The following CDCA7 variants were observed in gnomAD, a reference collection of about 807,000 sequenced individuals.
CDCA7 encodes the protein cell division cycle-associated protein 7.
In CDCA7, 28 loss-of-function variants were observed where a neutral mutation model predicts 54.0. That is an observed-to-expected ratio of 0.52 (90% CI 0.38 to 0.71). The LOEUF is 0.71. Among genes scored for constraint, CDCA7 ranks in the 30% least tolerant of loss-of-function variants. The pLI, the probability that CDCA7 is intolerant of heterozygous loss-of-function variation, is 0.00. For missense variants in CDCA7, 484 were observed against 586.0 expected (o/e 0.83, Z 1.80); for synonymous variants, 180 against 208.2 (o/e 0.86, Z 1.16).
At chr2:173,367,430 C>A in intron 9 of CDCA7, 144 bp downstream of exon 9, 1 of 1,385,960 alleles carries the variant, frequency 7.2e-7, no homozygotes, top group Non-Finnish European at 1.0e-6. Flanking sequence ...GGGATGGGAA[C>A]ATTTTCTGTC....
chr2:173,356,758 G>T (rs1463075938), intron 1 of CDCA7, among the ~76,000 whole-genome samples: 1 of 152,170 alleles, frequency 6.6e-6, no homozygotes, highest in Non-Finnish European at 1.5e-5. Flanking sequence ...TCCCACCTTG[G>T]CTTCCCAAAG....
Position 173,354,885 on chromosome 2 carries a change from C to CA in CDCA7, c.-79_-78insA. 1 of 1,453,738 alleles carries CA rather than the reference C, an allele frequency of 6.9e-7. No homozygotes were observed. The highest frequency in any genetic ancestry group is 9.0e-7 in the Non-Finnish European group (1 of 1,105,132). The allele number at this position is 1,453,738 out of a possible 1,614,324, so 90.1% of individuals were successfully genotyped here. ...CCTGCCAGCCGCGCTGCTGCTGCTC[C>CA]TCCTGCTGTGGGACCGCTGACCGCG... is the stretch of plus-strand genomic sequence containing the variant. On this transcript the variant is annotated 5_prime_UTR_variant, in exon 1 of 10. Coordinates refer to ENST00000306721, the MANE Select transcript of CDCA7 (RefSeq NM_031942.5).
In CDCA7 at chr2:173,367,194, C is replaced by T. The variant is rs200565937; in HGVS notation, c.1230C>T (p.Phe410=). 3.1e-6 allele frequency: 5 copies of T among 1,606,094 alleles called. No individual in the cohort carries two copies. The African/African-American group carries it at 5.4e-5, about 17-fold the overall frequency. ...GTCGAGGAATCTGCAACTGCAGTTT[C>T]TGCCGGCAGCGAGATGGACGGTGTG... is the stretch of plus-strand genomic sequence containing the variant. ...PPCRGICNCS[F]CRQRDGRCAT... The change falls in exon 9 of 10, where the codon TTC becomes TTT. Residue 410 remains phenylalanine (F), a synonymous_variant. Coordinates refer to ENST00000306721, the MANE Select transcript of CDCA7 (RefSeq NM_031942.5).
In CDCA7 at chr2:173,368,621, A is replaced by C. The variant is rs963457503; in HGVS notation, c.*957A>C. ...ATAACAATGATAAGTGCCTTTTTGG[A>C]GATGTAACTTTTAGCAGTTTGTTAA... On this transcript the variant is annotated 3_prime_UTR_variant, in exon 10 of 10. Coordinates refer to ENST00000306721, the MANE Select transcript of CDCA7 (RefSeq NM_031942.5). 1.3e-5 allele frequency: 2 copies of C among 152,038 alleles called. No homozygotes were observed. The highest frequency in any genetic ancestry group is 4.8e-5 in the African/African-American group (2 of 41,340). 9.4% of individuals were successfully genotyped at this position (152,038 alleles called of 1,614,324 possible).
At chr2:173,356,570 GCACAGT>G (rs1686510668) in intron 1 of CDCA7, among the ~76,000 whole-genome samples, 1 of 152,148 alleles carries the variant, frequency 6.6e-6, no homozygotes, top group Non-Finnish European at 1.5e-5. Context: ...GAGTGCAGTG[GCACAGT>G]CACGGCTCAC....
intron 1 of CDCA7, among the ~76,000 whole-genome samples, chr2:173,355,656 A>ACCCCAAC (rs1244727815): frequency 3.6e-4 from 49 of 137,474 alleles, no homozygotes; most frequent in Admixed American, 3.5e-3. Context: ...TACTTCCTCC[A>ACCCCAAC]CCCCAACCCC....
Position 173,358,720 on chromosome 2 carries a change from T to C in CDCA7, c.30T>C (p.Asp10=), listed in dbSNP as rs746053753. 3.1e-6 allele frequency: 5 copies of C among 1,613,144 alleles called. No homozygotes were observed. In the African/African-American group the frequency reaches 6.7e-5, roughly 22 times the overall value. MDARRVPQK[D]LRVKKNLKKF... ...GCTATTTCCATTTGCAGCAGAAAGA[T>C]CTCAGAGTAAAGAAGAACTTAAAGA... Residue 10 remains aspartate (D), a synonymous_variant, in exon 2 of 10, where the codon GAT becomes GAC. Coordinates refer to ENST00000306721, the MANE Select transcript of CDCA7 (RefSeq NM_031942.5).
At chr2:173,355,222 T>G (rs1172262521) in intron 1 of CDCA7, among the ~76,000 whole-genome samples, 1 of 152,234 alleles carries the variant, frequency 6.6e-6, no homozygotes, top group African/African-American at 2.4e-5. Context: ...TTGAGTCGTT[T>G]GCAGGATGGC....
chr2:173,355,226 G>C (rs1208136403), intron 1 of CDCA7, among the ~76,000 whole-genome samples: 1 of 152,260 alleles, frequency 6.6e-6, no homozygotes, highest in South Asian at 2.1e-4. Flanking sequence ...GTCGTTTGCA[G>C]GATGGCTAGC....
Position 173,358,796 on chromosome 2 carries a change from G to A in CDCA7, c.106G>A (p.Asp36Asn). Reference protein sequence around the residue: ...ISMETSSSSDDSCDSFASDNF... With the variant: ...ISMETSSSSDNSCDSFASDNF... The stretch of plus-strand genomic sequence containing the variant: ...CATGGAAACCTCGTCATCCTCTGAT[G>A]ACAGTTGTGACAGCTTTGCTTCTGA... Residue 36 changes from aspartate (D) to asparagine (N), a missense_variant, in exon 2 of 10, where the codon GAC becomes AAC. Asp to Asn is a conservative substitution (Grantham distance 23, BLOSUM62 1). Around this residue, in one of 3 missense-constraint regions of CDCA7, gnomAD observed 398 missense variants for 447.4 expected, o/e 0.89. Transcript: ENST00000306721. The A allele has an allele frequency of 3.7e-6, 6 of 1,613,864 alleles. No homozygotes were observed. The highest frequency in any genetic ancestry group is 5.1e-6 in the Non-Finnish European group (6 of 1,179,908).
intron 3 of CDCA7, among the ~76,000 whole-genome samples, chr2:173,361,407 A>C (rs1043054133): frequency 2.0e-4 from 31 of 151,488 alleles, no homozygotes; most frequent in African/African-American, 4.6e-4. Context: ...TGAGGGTTAC[A>C]GTTTCTCCAA....
chr2:173,367,686 G>T lies in CDCA7; in HGVS notation c.*22G>T. 1 of 1,613,548 alleles carries T rather than the reference G, an allele frequency of 6.2e-7. No homozygotes were observed. The highest frequency in any genetic ancestry group is 8.5e-7 in the Non-Finnish European group (1 of 1,179,566). On this transcript the variant is annotated 3_prime_UTR_variant, in exon 10 of 10. Transcript: ENST00000306721. ...ATAATATCTGGAAAATTTGCTGCCT[G>T]CCTTCTACTTCTCAAATCTTTCTTG...
intron 3 of CDCA7, among the ~76,000 whole-genome samples, chr2:173,362,047 C>G (rs757128250): frequency 6.6e-6 from 1 of 152,176 alleles, no homozygotes; most frequent in South Asian, 2.1e-4. Context: ...AAACTCCTGA[C>G]GTCAGGTGAT....
At position 173,366,219 on chromosome 2, in the gene CDCA7, T is replaced by C. The variant is rs1686716263; in HGVS notation, c.1036-64T>C. On this transcript the variant is annotated intron_variant, in intron 7 of 9. Transcript: ENST00000306721. The surrounding 1 kb of genome is among the most constrained non-coding windows in gnomAD (Gnocchi z 4.5). ...TACGAAGAGGGACATTCTGTAAATA[T>C]GCCATTTCCTCTGTTGAAAAACAGT... 2 of 1,539,500 alleles carry C rather than the reference T, an allele frequency of 1.3e-6. No homozygotes were observed. The highest frequency in any genetic ancestry group is 1.8e-6 in the Non-Finnish European group (2 of 1,137,636).
At position 173,363,814 on chromosome 2, in the gene CDCA7, T is replaced by G. The variant is rs745655213; in HGVS notation, c.622-4T>G. The stretch of plus-strand genomic sequence containing the variant: ...GATATCAGTTTAATTTCCTCCCTTT[T>G]TAGCTTGCAAAACTCATGTCTGAAT... On this transcript the variant is annotated splice_region_variant and splice_polypyrimidine_tract_variant and intron_variant, in intron 4 of 9. Coordinates refer to ENST00000306721, the MANE Select transcript of CDCA7 (RefSeq NM_031942.5). 3 of 1,614,050 alleles carry G rather than the reference T, an allele frequency of 1.9e-6. No homozygotes were observed. The highest frequency in any genetic ancestry group is 2.5e-6 in the Non-Finnish European group (3 of 1,179,962).
In CDCA7 at chr2:173,363,309, A is replaced by G. The variant is rs1686658933; in HGVS notation, c.468A>G (p.Pro156=). Residue 156 remains proline, a synonymous_variant, in exon 4 of 10, where the codon CCA becomes CCG. Coordinates refer to ENST00000306721, the MANE Select transcript of CDCA7 (RefSeq NM_031942.5). ...CTCTCAGGGTGGCGATGAAGTTTCCAGCGCGGAGTACCAGGGGAGCAACCA... is the reference window on the plus strand; with the variant it reads ...CTCTCAGGGTGGCGATGAAGTTTCCGGCGCGGAGTACCAGGGGAGCAACCA... ...SGPLRVAMKF[P]ARSTRGATNK... is the part of the protein sequence containing the mutation. 1 of 1,614,068 alleles carries G rather than the reference A, an allele frequency of 6.2e-7. No individual in the cohort carries two copies. Among genetic ancestry groups the G allele is most frequent in the Non-Finnish European group, 8.5e-7 (1 of 1,180,034 alleles).
At chr2:173,365,302 A>C in intron 6 of CDCA7, 150 bp from the exon 7 acceptor site, 1 of 947,790 alleles carries the variant, frequency 1.1e-6, no homozygotes. Flanking sequence ...GTTTGTGTGA[A>C]GAAATTACAA....
At position 173,366,005 on chromosome 2, in the gene CDCA7, A is replaced by G. The variant is rs969477296; in HGVS notation, c.1036-278A>G. ...ACACCAGGCTAATTTTTATATTTTT[A>G]GTGGAGATGGGGTTTTGCCATATTG... On this transcript the variant is annotated intron_variant, in intron 7 of 9. Coordinates refer to ENST00000306721, the MANE Select transcript of CDCA7 (RefSeq NM_031942.5). This position sits in a 1 kb window ranked among gnomAD's most constrained non-coding sequence, Gnocchi z 4.5. Among the ~76,000 whole-genome samples, 9 of 152,172 alleles carry G rather than the reference A, an allele frequency of 5.9e-5. No homozygotes were observed. Among genetic ancestry groups the G allele is most frequent in the Non-Finnish European group, 1.0e-4 (7 of 68,040 alleles).
At chr2:173,356,787 G>A (rs544708649) in intron 1 of CDCA7, among the ~76,000 whole-genome samples, 1 of 152,290 alleles carries the variant, frequency 6.6e-6, no homozygotes, top group African/African-American at 2.4e-5. Context: ...TTACAGGTGT[G>A]AGCCACCCCC....
Sources: gnomAD v4.1 joint callset for allele counts (sites outside exome capture counted in the v4.1 genomes callset) on GRCh38, gnomAD v4.1.1 for gene constraint, gnomAD v4.1.1 regional missense constraint, Gnocchi (gnomAD v3.1) non-coding constraint, MANE v1.5 for transcripts, NCBI Gene and HGNC (gene_info 2026-07-23, HGNC 2026-07-21) for gene names.